The following NR5A2 variants were observed in gnomAD, a reference collection of about 807,000 sequenced individuals.
NR5A2 encodes CYP7A promoter-binding factor.
In NR5A2, 26 loss-of-function variants were observed where a neutral mutation model predicts 62.7. The observed-to-expected ratio is 0.41, with a 90% confidence interval of 0.30 to 0.58. The LOEUF (loss-of-function observed/expected upper bound fraction) is 0.58, where lower values mean the gene tolerates loss of function less well. Among genes scored for constraint, NR5A2 ranks in the 20% least tolerant of loss-of-function variants. The probability of loss-of-function intolerance (pLI) is 0.22; values close to 1 mark genes in which losing one functional copy is unlikely to be tolerated. For synonymous variants in NR5A2, 246 were observed against 241.7 expected (o/e 1.02, Z -0.16); for missense variants, 541 against 669.1 (o/e 0.81, Z 2.11).
At chr1:200,062,114 G>A (rs973694320) in intron 5 of NR5A2, among the ~76,000 whole-genome samples, 2 of 152,010 alleles carry the variant, frequency 1.3e-5, no homozygotes, top group Non-Finnish European at 2.9e-5. Flanking sequence ...TGTTTTAAAT[G>A]ACTTCTTAAT....
At chr1:200,114,873 C>T (rs748389252) in intron 6 of NR5A2, among the ~76,000 whole-genome samples, 6 of 152,202 alleles carry the variant, frequency 3.9e-5, no homozygotes, top group Non-Finnish European at 8.8e-5. Flanking sequence ...TCTTTACCAA[C>T]ATGCCATACC....
intron 7 of NR5A2, among the ~76,000 whole-genome samples, chr1:200,168,155 G>C (rs1309541462): frequency 6.6e-6 from 1 of 151,130 alleles, no homozygotes; most frequent in Non-Finnish European, 1.5e-5. Context: ...GCACCAATCA[G>C]TTGTAAGGGC....
intron 7 of NR5A2, among the ~76,000 whole-genome samples, chr1:200,154,633 C>A (rs1277402175): frequency 2.6e-5 from 4 of 152,198 alleles, no homozygotes; most frequent in Non-Finnish European, 5.9e-5. Flanking sequence ...GCAGGAGGAA[C>A]ACACAAGGCC....
chr1:200,045,329 TA>T, intron 3 of NR5A2, 113 bp from the exon 4 acceptor site: 1 of 894,260 alleles, frequency 1.1e-6, no homozygotes, highest in South Asian at 2.2e-5. Context: ...CAGAACCACA[TA>T]AGGGCTCAAA....
At chr1:200,111,724 C>T (rs747765699) in intron 6 of NR5A2, among the ~76,000 whole-genome samples, 2 of 151,860 alleles carry the variant, frequency 1.3e-5, no homozygotes, top group Non-Finnish European at 1.5e-5. Context: ...TATTGGTGAA[C>T]GAGATGGATT....
intron 7 of NR5A2, among the ~76,000 whole-genome samples, chr1:200,143,735 G>A (rs1571549399): frequency 2.0e-5 from 3 of 147,634 alleles, no homozygotes; most frequent in Admixed American, 6.9e-5. Flanking sequence ...TCCGCCTCCC[G>A]AGTTCAAGCG....
intron 5 of NR5A2, among the ~76,000 whole-genome samples, chr1:200,071,494 C>A (rs1247805094): frequency 6.6e-6 from 1 of 152,196 alleles, no homozygotes; most frequent in Non-Finnish European, 1.5e-5. Flanking sequence ...TGTTTCATTA[C>A]ACTTGAGTAT....
At chr1:200,097,806 C>T (rs1014221693) in intron 5 of NR5A2, among the ~76,000 whole-genome samples, 1 of 152,118 alleles carries the variant, frequency 6.6e-6, no homozygotes, top group African/African-American at 2.4e-5. Context: ...AGTATAGTAT[C>T]ATAGCCTGCA....
chr1:200,103,445 C>T (rs1665492619), intron 5 of NR5A2, among the ~76,000 whole-genome samples: 1 of 151,870 alleles, frequency 6.6e-6, no homozygotes, highest in Admixed American at 6.6e-5. Context: ...TAGGACAGTG[C>T]CTGAGAGTAC....
chr1:200,033,044 G>A (rs756713136), intron 1 of NR5A2, among the ~76,000 whole-genome samples: 14 of 152,164 alleles, frequency 9.2e-5, no homozygotes, highest in Non-Finnish European at 1.8e-4. Flanking sequence ...CAGAAGGGTG[G>A]CACAGGGAGT....
chr1:200,060,940 A>T (rs1243194440), intron 5 of NR5A2, among the ~76,000 whole-genome samples: 2 of 42,568 alleles, frequency 4.7e-5, no homozygotes, highest in African/African-American at 6.9e-4. Context: ...CATCTCTACT[A>T]AAAAAAAAAA....
At chr1:200,098,975 T>A (rs1488945001) in intron 5 of NR5A2, among the ~76,000 whole-genome samples, 1 of 152,260 alleles carries the variant, frequency 6.6e-6, no homozygotes, top group Non-Finnish European at 1.5e-5. Context: ...AAACTTCGAC[T>A]GTTGGAGCTC....
intron 5 of NR5A2, among the ~76,000 whole-genome samples, chr1:200,049,539 A>G (rs1371912637): frequency 6.6e-6 from 1 of 152,164 alleles, no homozygotes; most frequent in Non-Finnish European, 1.5e-5. Flanking sequence ...ATTAATAATT[A>G]TTTTATTTCC....
At chr1:200,100,511 C>T (rs1006050068) in intron 5 of NR5A2, among the ~76,000 whole-genome samples, 3 of 152,144 alleles carry the variant, frequency 2.0e-5, no homozygotes, top group African/African-American at 7.2e-5. Flanking sequence ...GTTTAGCAGC[C>T]CTGGCATCTG....
At chr1:200,133,605 A>G (rs988767887) in intron 7 of NR5A2, among the ~76,000 whole-genome samples, 4 of 96,810 alleles carry the variant, frequency 4.1e-5, no homozygotes, top group Non-Finnish European at 8.7e-5. Flanking sequence ...ATATATACAC[A>G]TATATACACA....
intron 5 of NR5A2, among the ~76,000 whole-genome samples, chr1:200,073,063 G>C (rs1663813198): frequency 6.6e-6 from 1 of 151,700 alleles, no homozygotes; most frequent in Non-Finnish European, 1.5e-5. Context: ...TTGATTGCTT[G>C]CCTTTTTGTT....
Position 200,048,513 on chromosome 1 carries a change from A to G in NR5A2, c.805A>G (p.Ile269Val), listed in dbSNP as rs776217485. The G allele has an allele frequency of 1.2e-6, 2 of 1,614,202 alleles. No individual in the cohort carries two copies. Among genetic ancestry groups the G allele is most frequent in the Admixed American group, 1.7e-5 (1 of 60,026 alleles). The stretch of plus-strand genomic sequence containing the variant: ...ATATGGCCACTTTCCTAGCCGGGCC[A>G]TCAAGTCTGAGTACCCAGACCCCTA... Reference protein sequence around the residue: ...QTYGHFPSRAIKSEYPDPYTS... With the variant: ...QTYGHFPSRAVKSEYPDPYTS... Residue 269 changes from isoleucine (I) to valine (V), a missense_variant, in exon 5 of 8, where the codon ATC becomes GTC. This residue lies in a region of NR5A2 where 379 missense variants were observed against 442.0 expected (regional missense o/e 0.86). Coordinates refer to ENST00000367362, the MANE Select transcript of NR5A2 (RefSeq NM_205860.3). This position sits in a 1 kb window ranked among gnomAD's most constrained non-coding sequence, Gnocchi z 4.8.
intron 5 of NR5A2, among the ~76,000 whole-genome samples, chr1:200,063,625 A>T (rs1453472249): frequency 6.6e-6 from 1 of 152,126 alleles, no homozygotes; most frequent in Admixed American, 6.6e-5. Flanking sequence ...TCCAGCTGAG[A>T]TTTTTAGCTT....
Position 200,039,511 on chromosome 1 carries a change from G to A in NR5A2, c.65-147G>A. The A allele has an allele frequency of 3.6e-6, 4 of 1,108,474 alleles. No individual in the cohort carries two copies. The highest frequency in any genetic ancestry group is 5.1e-6 in the Non-Finnish European group (4 of 785,486). The allele number at this position is 1,108,474 out of a possible 1,614,324, so 68.7% of individuals were successfully genotyped here. ...AGCTTGGGGGCGGCTCCGGAGCTGC[G>A]AGACCGGACAGGGCTCAGAGGTCCT... On this transcript the variant is annotated intron_variant, in intron 1 of 7. Transcript: ENST00000367362. This position sits in a 1 kb window ranked among gnomAD's most constrained non-coding sequence, Gnocchi z 5.1.
Sources: gnomAD v4.1 joint callset for allele counts (sites outside exome capture counted in the v4.1 genomes callset) on GRCh38, gnomAD v4.1.1 for gene constraint, gnomAD v4.1.1 regional missense constraint, Gnocchi (gnomAD v3.1) non-coding constraint, MANE v1.5 for transcripts, NCBI Gene and HGNC (gene_info 2026-07-23, HGNC 2026-07-21) for gene names.